ROBO2: variants seen among roughly 807,000 people sequenced by gnomAD.
ROBO2 encodes the protein roundabout homolog 2.
Under a neutral mutation model 160.8 loss-of-function variants are expected in ROBO2, and 53 were observed. That is an observed-to-expected ratio of 0.33 (90% CI 0.26 to 0.41). The LOEUF (loss-of-function observed/expected upper bound fraction) is 0.41, where lower values mean the gene tolerates loss of function less well. ROBO2 is among the 10% of genes least tolerant of loss of function. The probability of loss-of-function intolerance (pLI) is 1.00; values close to 1 mark genes in which losing one functional copy is unlikely to be tolerated. For synonymous variants in ROBO2, 664 were observed against 611.7 expected (o/e 1.09, Z -1.26); for missense variants, 1,577 against 1,722.4 (o/e 0.92, Z 1.49).
At chr3:77,207,800 A>G (rs552511850) in intron 2 of ROBO2, among the ~76,000 whole-genome samples, 2 of 152,284 alleles carry the variant, frequency 1.3e-5, no homozygotes, top group Middle Eastern at 3.4e-3. Flanking sequence ...ACTGCATCTG[A>G]GTTTAAACCT....
chr3:77,276,367 A>G lies in ROBO2; in HGVS notation c.388+178027A>G, dbSNP rs1195763357. Among the ~76,000 whole-genome samples the G allele has an allele frequency of 2.0e-5, 3 of 152,106 alleles. No individual in the cohort carries two copies. The South Asian group carries it at 6.2e-4, about 32-fold the overall frequency. ...TGTTACTACTACAGATAAACTGTAC[A>G]TCTGTTTATATACTGTATTTGTGTT... On this transcript the variant is annotated intron_variant, in intron 2 of 25. Transcript: ENST00000461745.
At chr3:76,824,076 A>AAC (rs2066361790) in intron 2 of ROBO2, among the ~76,000 whole-genome samples, 2 of 152,134 alleles carry the variant, frequency 1.3e-5, no homozygotes, top group Non-Finnish European at 2.9e-5. Context: ...CTTTAGGGCA[A>AAC]CGTTGTCTTC....
intron 5 of ROBO2, among the ~76,000 whole-genome samples, chr3:77,505,621 A>G (rs2088387471): frequency 6.6e-6 from 1 of 152,150 alleles, no homozygotes; most frequent in South Asian, 2.1e-4. Context: ...CTATGATAAG[A>G]TGATTCCTAA....
intron 2 of ROBO2, among the ~76,000 whole-genome samples, chr3:76,152,665 C>A (rs1342923880): frequency 6.6e-6 from 1 of 152,010 alleles, no homozygotes; most frequent in Non-Finnish European, 1.5e-5. Context: ...TGAATTCTTA[C>A]AAATTGGCAT....
chr3:76,734,541 T>G (rs1055383832), intron 2 of ROBO2, among the ~76,000 whole-genome samples: 1 of 152,204 alleles, frequency 6.6e-6, no homozygotes, highest in African/African-American at 2.4e-5. Context: ...GAAACGACTT[T>G]CAGCAAATTG....
intron 2 of ROBO2, among the ~76,000 whole-genome samples, chr3:77,226,454 A>G (rs2086508537): frequency 6.6e-6 from 1 of 151,906 alleles, no homozygotes; most frequent in African/African-American, 2.4e-5. Flanking sequence ...TTACACCTAC[A>G]TGGCTTAGAG....
At chr3:76,874,712 T>A (rs147270736) in intron 2 of ROBO2, among the ~76,000 whole-genome samples, 1 of 152,186 alleles carries the variant, frequency 6.6e-6, no homozygotes, top group African/African-American at 2.4e-5. Flanking sequence ...AATGGAAAAC[T>A]TTAAAGGGGC....
At chr3:76,396,870 A>C (rs1218453264) in intron 2 of ROBO2, among the ~76,000 whole-genome samples, 1 of 152,192 alleles carries the variant, frequency 6.6e-6, no homozygotes, top group African/African-American at 2.4e-5. Flanking sequence ...GGTAGGAAGA[A>C]TCAATATTGT....
At chr3:76,436,703 T>C (rs1427739248) in intron 2 of ROBO2, among the ~76,000 whole-genome samples, 2 of 151,778 alleles carry the variant, frequency 1.3e-5, no homozygotes, top group Non-Finnish European at 2.9e-5. Flanking sequence ...AAAAAGAAAA[T>C]TAAGAGAAAT....
intron 5 of ROBO2, among the ~76,000 whole-genome samples, chr3:77,502,861 G>A (rs1284719756): frequency 6.6e-6 from 1 of 152,104 alleles, no homozygotes; most frequent in African/African-American, 2.4e-5. Flanking sequence ...GGGTTGTGGG[G>A]ATGGCAGTCC....
chr3:77,125,659 GA>G (rs1365770868), intron 2 of ROBO2, among the ~76,000 whole-genome samples: 4 of 151,944 alleles, frequency 2.6e-5, no homozygotes, highest in Non-Finnish European at 4.4e-5. Context: ...GAGGAAATAT[GA>G]AAAAAAGTGT....
At chr3:77,559,436 A>G (rs911558021) in intron 9 of ROBO2, among the ~76,000 whole-genome samples, 3 of 152,118 alleles carry the variant, frequency 2.0e-5, no homozygotes, top group African/African-American at 7.2e-5. Flanking sequence ...TTTAGTAATC[A>G]CAAGATTGGG....
At chr3:76,226,031 T>G (rs2107443834) in intron 2 of ROBO2, among the ~76,000 whole-genome samples, 1 of 152,328 alleles carries the variant, frequency 6.6e-6, no homozygotes. Context: ...AGTGCATTTT[T>G]AATTTAGGCC....
At chr3:77,323,646 TTAGA>T (rs1435217166) in intron 2 of ROBO2, among the ~76,000 whole-genome samples, 1 of 152,134 alleles carries the variant, frequency 6.6e-6, no homozygotes, top group Non-Finnish European at 1.5e-5. Flanking sequence ...AACAAATTTC[TTAGA>T]TAAATGGGCA....
intron 1 of ROBO2, among the ~76,000 whole-genome samples, chr3:75,925,005 G>C (rs984712527): frequency 2.0e-5 from 3 of 151,918 alleles, no homozygotes; most frequent in Admixed American, 1.3e-4. Flanking sequence ...ATTTTCTTCA[G>C]ATAGTTCTTC....
At chr3:77,648,199 C>G (rs1408406366) in exon 26 of ROBO2, 1 of 152,140 alleles carries the variant, frequency 6.6e-6, no homozygotes, top group Admixed American at 6.5e-5. Context: ...TTAAATATCT[C>G]TTTATGAAGT....
At chr3:76,925,314 AG>A (rs1480717531) in intron 2 of ROBO2, among the ~76,000 whole-genome samples, 1 of 152,078 alleles carries the variant, frequency 6.6e-6, no homozygotes, top group African/African-American at 2.4e-5. Flanking sequence ...GAAGACTTGC[AG>A]GTTCTGATTT....
chr3:76,564,827 C>A (rs143680663), intron 2 of ROBO2, among the ~76,000 whole-genome samples: 408 of 152,300 alleles, frequency 2.7e-3, no homozygotes, highest in African/African-American at 9.4e-3. Flanking sequence ...TCTTTTCTCT[C>A]TTTTAAAATG....
intron 2 of ROBO2, among the ~76,000 whole-genome samples, chr3:76,006,122 A>C (rs1439595190): frequency 6.6e-6 from 1 of 152,098 alleles, no homozygotes; most frequent in African/African-American, 2.4e-5. Flanking sequence ...ATATTTATTT[A>C]TTCAGTATTT....
Sources: gnomAD v4.1 joint callset for allele counts (sites outside exome capture counted in the v4.1 genomes callset) on GRCh38, gnomAD v4.1.1 for gene constraint, MANE v1.5 for transcripts, NCBI Gene and HGNC (gene_info 2026-07-23, HGNC 2026-07-21) for gene names.